PDCD1LG2: variants seen among roughly 807,000 people sequenced by gnomAD.
PDCD1LG2 encodes B7 dendritic cell molecule.
In PDCD1LG2, 32 loss-of-function variants were observed where a neutral mutation model predicts 28.2. The ratio of observed to expected loss-of-function variants is 1.13; its 90% CI spans 0.86 to 1.52. PDCD1LG2 has a LOEUF of 1.52. Ranked by LOEUF, PDCD1LG2 falls within the 40% of genes most tolerant of loss-of-function variation. PDCD1LG2 has a pLI of 0.00. For synonymous variants in PDCD1LG2, 116 were observed against 120.2 expected, an observed-to-expected ratio of 0.97 and a Z score of 0.23; for missense variants, 385 against 323.8, an observed-to-expected ratio of 1.19 and a Z score of -1.45.
At chr9:5,554,429 A>C (rs973124092) in intron 4 of PDCD1LG2, among the ~76,000 whole-genome samples, 12 of 152,194 alleles carry the variant, frequency 7.9e-5, no homozygotes, top group African/African-American at 2.4e-4. Flanking sequence ...GGGCATTTTT[A>C]AGTTGTCTTA....
chr9:5,568,247 T>C (rs1816704634), intron 6 of PDCD1LG2, among the ~76,000 whole-genome samples: 1 of 152,234 alleles, frequency 6.6e-6, no homozygotes, highest in Non-Finnish European at 1.5e-5. Flanking sequence ...CCCCAACCTC[T>C]GGGCCGCAGA....
chr9:5,557,646 T>C lies in PDCD1LG2; in HGVS notation c.660T>C (p.Thr220=), dbSNP rs1816472308. The change falls in exon 5 of 7, where the codon ACT becomes ACC. Residue 220 remains threonine (T), a synonymous_variant. Transcript: ENST00000397747. ...AGATGGAACCCAGGACCCATCCAAC[T>C]TGGCTGCTTCACATTTTCATCCCCT... The part of the protein sequence containing the change: ...QSQMEPRTHP[T]WLLHIFIPFC... 1 of 1,613,360 alleles carries C rather than the reference T, an allele frequency of 6.2e-7. No individual in the cohort carries two copies. Among genetic ancestry groups the C allele is most frequent in the African/African-American group, 1.3e-5 (1 of 74,446 alleles).
At chr9:5,550,375 C>T (rs1012197684) in intron 4 of PDCD1LG2, among the ~76,000 whole-genome samples, 9 of 152,208 alleles carry the variant, frequency 5.9e-5, no homozygotes, top group African/African-American at 1.7e-4. Context: ...ATAATCATTT[C>T]GTAAGAGACA....
chr9:5,552,286 G>T (rs1304133541), intron 4 of PDCD1LG2, among the ~76,000 whole-genome samples: 1 of 151,764 alleles, frequency 6.6e-6, no homozygotes, highest in Non-Finnish European at 1.5e-5. Flanking sequence ...TTTTTTCTTT[G>T]CTCACTGGTC....
At chr9:5,525,030 T>C (rs942193290) in intron 2 of PDCD1LG2, among the ~76,000 whole-genome samples, 1 of 152,316 alleles carries the variant, frequency 6.6e-6, no homozygotes, top group Non-Finnish European at 1.5e-5. Context: ...TCAGTGCACA[T>C]TTCTTTTCTA....
At chr9:5,536,107 G>A (rs1820575510) in intron 3 of PDCD1LG2, among the ~76,000 whole-genome samples, 1 of 152,146 alleles carries the variant, frequency 6.6e-6, no homozygotes, top group African/African-American at 2.4e-5. Context: ...TTTATGATCT[G>A]GTACAAAGAA....
intron 4 of PDCD1LG2, among the ~76,000 whole-genome samples, chr9:5,557,256 G>A (rs2129917574): frequency 1.3e-5 from 1 of 79,898 alleles, no homozygotes; most frequent in Non-Finnish European, 2.6e-5. Context: ...TTAGATGATA[G>A]ATGGATGGAT....
intron 6 of PDCD1LG2, among the ~76,000 whole-genome samples, chr9:5,566,116 C>T (rs542531527): frequency 1.3e-5 from 2 of 151,080 alleles, no homozygotes; most frequent in Admixed American, 6.6e-5. Context: ...CTAGGCTGCC[C>T]GGGAGCCATC....
chr9:5,549,595 G>T lies in PDCD1LG2; in HGVS notation c.622G>T (p.Asp208Tyr). 1.9e-6 allele frequency: 3 copies of T among 1,614,120 alleles called. No individual in the cohort carries two copies. Among genetic ancestry groups the T allele is most frequent in the Non-Finnish European group, 2.5e-6 (3 of 1,179,976 alleles). The change falls in exon 4 of 7, where the codon GAC (aspartate) becomes TAC (tyrosine). Residue 208 changes from aspartate to tyrosine, a missense_variant. Asp to Tyr is a radical substitution (Grantham distance 160). Transcript: ENST00000397747. The part of the protein sequence containing the change: ...HVRELTLASI[D>Y]LQSQMEPRTH... ...GAGGGAACTTACTTTGGCCAGCATT[G>T]ACCTTCAAAGTAAGAGCTGCCCCCA...
At chr9:5,554,420 G>A (rs578227999) in intron 4 of PDCD1LG2, among the ~76,000 whole-genome samples, 38 of 152,138 alleles carry the variant, frequency 2.5e-4, no homozygotes, top group Non-Finnish European at 5.6e-4. Flanking sequence ...ATTTCTCAAG[G>A]GCATTTTTAA....
intron 1 of PDCD1LG2, among the ~76,000 whole-genome samples, chr9:5,521,908 G>C (rs1820281887): frequency 6.6e-6 from 1 of 152,156 alleles, no homozygotes; most frequent in African/African-American, 2.4e-5. Context: ...AGCATGGGAG[G>C]TACAGCAGGA....
chr9:5,546,848 G>A (rs1281669360), intron 3 of PDCD1LG2, among the ~76,000 whole-genome samples: 1 of 152,168 alleles, frequency 6.6e-6, no homozygotes, highest in Non-Finnish European at 1.5e-5. Flanking sequence ...GGACATACCA[G>A]GAGGCCCAGC....
intron 2 of PDCD1LG2, among the ~76,000 whole-genome samples, chr9:5,533,209 T>G (rs1040299419): frequency 1.3e-5 from 2 of 152,244 alleles, no homozygotes; most frequent in African/African-American, 2.4e-5. Flanking sequence ...CAGAAACTAC[T>G]TCAAGATTTT....
chr9:5,549,924 C>T (rs1277748649), intron 4 of PDCD1LG2, among the ~76,000 whole-genome samples: 1 of 152,196 alleles, frequency 6.6e-6, no homozygotes, highest in Admixed American at 6.5e-5. Flanking sequence ...AATACCCCAA[C>T]TCATTCTCCT....
intron 1 of PDCD1LG2, among the ~76,000 whole-genome samples, chr9:5,511,419 G>A (rs1248486772): frequency 6.6e-6 from 1 of 152,324 alleles, no homozygotes; most frequent in African/African-American, 2.4e-5. Flanking sequence ...GCTATTGATT[G>A]CTCACCGCCT....
At position 5,569,939 on chromosome 9, in the gene PDCD1LG2, G is replaced by T; in HGVS notation, c.817-15G>T. ...TAAAAAATGATTTTTCTTATTTGTG[G>T]GCTTTTCTCCCCAGATCTGAACCTG... On this transcript the variant is annotated splice_polypyrimidine_tract_variant and intron_variant, in intron 6 of 6. Transcript: ENST00000397747. The surrounding 1 kb of genome is among the most constrained non-coding windows in gnomAD (Gnocchi z 4.1). 4 of 1,613,096 alleles carry T rather than the reference G, an allele frequency of 2.5e-6. No homozygotes were observed. The highest frequency in any genetic ancestry group is 3.4e-6 in the Non-Finnish European group (4 of 1,179,384).
intron 2 of PDCD1LG2, among the ~76,000 whole-genome samples, chr9:5,523,143 T>C (rs1160607302): frequency 5.3e-5 from 8 of 152,182 alleles, no homozygotes; most frequent in Admixed American, 5.2e-4. Context: ...AAATGAACAA[T>C]GAACCTTAAG....
At chr9:5,563,257 T>A (rs1270019766) in intron 6 of PDCD1LG2, 46 bp downstream of exon 6, 1 of 1,509,476 alleles carries the variant, frequency 6.6e-7, no homozygotes, top group Non-Finnish European at 9.2e-7. Context: ...TTCTTTTCTC[T>A]CTCAGCTTGA....
At chr9:5,523,052 G>T (rs1820307254) in intron 2 of PDCD1LG2, among the ~76,000 whole-genome samples, 1 of 152,102 alleles carries the variant, frequency 6.6e-6, no homozygotes, top group African/African-American at 2.4e-5. Flanking sequence ...TTGTTTCTGT[G>T]AGTTTCTTTT....
Sources: allele counts gnomAD v4.1 joint callset (sites outside exome capture counted in the v4.1 genomes callset), GRCh38; gene constraint gnomAD v4.1.1; non-coding constraint Gnocchi (gnomAD v3.1); transcripts MANE v1.5; gene names NCBI Gene and HGNC (gene_info 2026-07-23, HGNC 2026-07-21).